CNTNAP4: variants seen among roughly 807,000 people sequenced by gnomAD.
The protein encoded by CNTNAP4 is contactin associated protein family member 4.
A neutral mutation model predicts 148.4 loss-of-function variants in CNTNAP4; 98 were observed. The ratio of observed to expected loss-of-function variants is 0.66; its 90% confidence interval spans 0.56 to 0.78. CNTNAP4 has a LOEUF of 0.78. Ranked by LOEUF, CNTNAP4 falls within the 30% of genes least tolerant of loss-of-function variation. The probability of loss-of-function intolerance (pLI) is 0.00; values close to 1 mark genes in which losing one functional copy is unlikely to be tolerated. For missense variants in CNTNAP4, 1,935 were observed against 1,565.6 expected (o/e 1.24, Z -3.98); for synonymous variants, 730 against 565.1 (o/e 1.29, Z -4.14).
At chr16:76,382,685 A>G (rs1034584556) in intron 3 of CNTNAP4, among the ~76,000 whole-genome samples, 2 of 152,200 alleles carry the variant, frequency 1.3e-5, no homozygotes, top group Non-Finnish European at 2.9e-5. Context: ...TCAAAAAACC[A>G]TGACTATGTT....
rs1243724979 is a variant in CNTNAP4 at position 76,452,588 on chromosome 16, A to C, written c.1152A>C (p.Pro384=). The C allele has an allele frequency of 1.2e-6, 2 of 1,613,910 alleles. No homozygotes were observed. The change falls in exon 8 of 24, where the codon CCA becomes CCC. Residue 384 remains proline, a synonymous_variant. Coordinates refer to ENST00000611870, the MANE Select transcript of CNTNAP4 (RefSeq NM_033401.5). The part of the protein sequence containing the change: ...FLSSRSYLAL[P]DFSGEEEVSA... ...GCTCCAGGAGTTATTTAGCACTGCC[A>C]GACTTCTCTGGAGAGGAGGAGGTTT...
At chr16:76,498,251 G>A (rs979122127) in intron 14 of CNTNAP4, among the ~76,000 whole-genome samples, 3 of 152,158 alleles carry the variant, frequency 2.0e-5, no homozygotes, top group Admixed American at 1.3e-4. Context: ...AGTTAGCTGG[G>A]TGTGGTGGTA....
chr16:76,286,321 G>A (rs1017773109), intron 1 of CNTNAP4, among the ~76,000 whole-genome samples: 2 of 151,864 alleles, frequency 1.3e-5, no homozygotes, highest in Non-Finnish European at 2.9e-5. Flanking sequence ...GTGATGGGAT[G>A]TAGAATAAGA....
At chr16:76,416,615 TTTC>T (rs1651232183) in intron 3 of CNTNAP4, among the ~76,000 whole-genome samples, 1 of 151,554 alleles carries the variant, frequency 6.6e-6, no homozygotes, top group South Asian at 2.1e-4. Context: ...CATTGTATGA[TTTC>T]TATTTTTATA....
intron 3 of CNTNAP4, among the ~76,000 whole-genome samples, chr16:76,414,507 A>C (rs2144942326): frequency 6.6e-6 from 1 of 151,274 alleles, no homozygotes; most frequent in Admixed American, 6.6e-5. Context: ...GTTCCTTGTC[A>C]GATTTTAATA....
rs568327729 is a variant in CNTNAP4, at chr16:76,351,155, TAATAA to T, written c.197-4156_197-4152del. 5.4e-3 allele frequency among the ~76,000 whole-genome samples: 821 copies of T among 152,316 alleles called. 5 individuals carry two copies. Among genetic ancestry groups the T allele is most frequent in the Non-Finnish European group, 9.0e-3 (612 of 68,024 alleles). Reference sequence around the variant, plus strand: ...TTAACTAGCAGTTAAAAGGTTTTCTTAATAAAATAAATACAGTTTATTTGATAGTA... The same window carrying T: ...TTAACTAGCAGTTAAAAGGTTTTCTTAATAAATACAGTTTATTTGATAGTA... On this transcript the variant is annotated intron_variant, in intron 2 of 23. Transcript: ENST00000611870.
At chr16:76,312,117 C>A (rs548801281) in intron 1 of CNTNAP4, among the ~76,000 whole-genome samples, 25 of 152,272 alleles carry the variant, frequency 1.6e-4, no homozygotes, top group African/African-American at 5.8e-4. Flanking sequence ...TTACCAGATT[C>A]TAGAATATTG....
chr16:76,420,280 A>ATGTATATTTTGTAGTATAT (rs1330005955), intron 3 of CNTNAP4, among the ~76,000 whole-genome samples: 1 of 73,920 alleles, frequency 1.4e-5, no homozygotes, highest in Non-Finnish European at 3.7e-5. Flanking sequence ...ATAGGAGATA[A>ATGTATATTTTGTAGTATAT]ATATTAATTT....
At chr16:76,342,704 C>G (rs991066232) in intron 2 of CNTNAP4, among the ~76,000 whole-genome samples, 1 of 152,034 alleles carries the variant, frequency 6.6e-6, no homozygotes. Context: ...GATCTCCTGA[C>G]CTCGTGATCT....
At chr16:76,525,457 G>A (rs898167242) in intron 17 of CNTNAP4, among the ~76,000 whole-genome samples, 2 of 147,886 alleles carry the variant, frequency 1.4e-5, no homozygotes, top group Non-Finnish European at 3.0e-5. Context: ...GAGAAAAAAT[G>A]TATATAATAT....
chr16:76,326,993 C>G, intron 2 of CNTNAP4, among the ~76,000 whole-genome samples: 1 of 152,150 alleles, frequency 6.6e-6, no homozygotes, highest in East Asian at 1.9e-4. Flanking sequence ...CAAAAAAGCT[C>G]ATTCACCCAT....
intron 1 of CNTNAP4, among the ~76,000 whole-genome samples, chr16:76,285,830 A>T (rs1291176659): frequency 6.6e-6 from 1 of 151,880 alleles, no homozygotes; most frequent in African/African-American, 2.4e-5. Context: ...TGTAAGCCTT[A>T]GGGTTGATAG....
At chr16:76,534,559 A>G (rs533024698) in intron 17 of CNTNAP4, among the ~76,000 whole-genome samples, 2 of 152,242 alleles carry the variant, frequency 1.3e-5, no homozygotes, top group South Asian at 4.1e-4. Flanking sequence ...GTATTCCTGG[A>G]CACAAATTTA....
At chr16:76,279,719 A>G (rs1019360582) in intron 1 of CNTNAP4, among the ~76,000 whole-genome samples, 1 of 152,256 alleles carries the variant, frequency 6.6e-6, no homozygotes, top group Non-Finnish European at 1.5e-5. Context: ...TGTCAAAAAT[A>G]AAATGAAATG....
At chr16:76,423,471 CAT>C (rs1246275482) in intron 3 of CNTNAP4, among the ~76,000 whole-genome samples, 1 of 152,026 alleles carries the variant, frequency 6.6e-6, no homozygotes, top group Non-Finnish European at 1.5e-5. Context: ...TAAAGGAAGA[CAT>C]AAATGTCCCT....
At chr16:76,470,745 A>T (rs1458680223) in intron 10 of CNTNAP4, among the ~76,000 whole-genome samples, 1 of 152,012 alleles carries the variant, frequency 6.6e-6, no homozygotes, top group Non-Finnish European at 1.5e-5. Flanking sequence ...TTTTAAAAAA[A>T]AACTGTAATA....
intron 1 of CNTNAP4, among the ~76,000 whole-genome samples, chr16:76,301,021 T>A (rs2143932334): frequency 6.6e-6 from 1 of 152,224 alleles, no homozygotes; most frequent in South Asian, 2.1e-4. Context: ...ACTTGGTCAG[T>A]TTAACAGTAT....
At chr16:76,404,289 A>C (rs7191599) in intron 3 of CNTNAP4, among the ~76,000 whole-genome samples, 3 of 151,920 alleles carry the variant, frequency 2.0e-5, no homozygotes, top group African/African-American at 7.2e-5. Flanking sequence ...TAAAAAATAA[A>C]AGACATAACA....
chr16:76,340,143 C>T (rs1337180813), intron 2 of CNTNAP4, among the ~76,000 whole-genome samples: 1 of 152,122 alleles, frequency 6.6e-6, no homozygotes, highest in African/African-American at 2.4e-5. Context: ...AAAATACCAT[C>T]CAACCTGCTT....
Sources: allele counts gnomAD v4.1 joint callset (sites outside exome capture counted in the v4.1 genomes callset), GRCh38; gene constraint gnomAD v4.1.1; transcripts MANE v1.5; gene names NCBI Gene and HGNC (gene_info 2026-07-23, HGNC 2026-07-21).